PRKN: variants seen among roughly 807,000 people sequenced by gnomAD.
PRKN encodes the protein E3 ubiquitin-protein ligase parkin.
A neutral mutation model predicts 59.5 loss-of-function variants in PRKN; 56 were observed. The ratio of observed to expected loss-of-function variants is 0.94; its 90% CI spans 0.76 to 1.18. The LOEUF (loss-of-function observed/expected upper bound fraction) is 1.18, where lower values mean the gene tolerates loss of function less well. PRKN is among the 50% of genes most tolerant of loss of function. The pLI, the probability that PRKN is intolerant of heterozygous loss-of-function variation, is 0.00. For synonymous variants in PRKN, 250 were observed against 222.1 expected, an observed-to-expected ratio of 1.13 and a Z score of -1.12; for missense variants, 657 against 596.4, an observed-to-expected ratio of 1.10 and a Z score of -1.06.
At chr6:161,859,618 A>G (rs1793808381) in intron 6 of PRKN, among the ~76,000 whole-genome samples, 1 of 151,344 alleles carries the variant, frequency 6.6e-6, no homozygotes, top group Non-Finnish European at 1.5e-5. Flanking sequence ...CTCAAAAAAA[A>G]AAAAAAAAAA....
chr6:161,425,897 G>A lies in PRKN; in HGVS notation c.1084-39020C>T, dbSNP rs1788329982. On this transcript the variant is annotated intron_variant, in intron 9 of 11. Coordinates refer to ENST00000366898, the MANE Select transcript of PRKN (RefSeq NM_004562.3). ...TGGTATTTTTTTAATAGCTCATGTT[G>A]GGCCCACAGGATTCCTGAAAAGTGC... Among the ~76,000 whole-genome samples the A allele has an allele frequency of 3.3e-5, 5 of 151,950 alleles. No homozygotes were observed. The South Asian group carries it at 6.2e-4, about 19-fold the overall frequency.
intron 7 of PRKN, among the ~76,000 whole-genome samples, chr6:161,618,387 T>G (rs1782770763): frequency 6.6e-6 from 1 of 152,208 alleles, no homozygotes; most frequent in African/African-American, 2.4e-5. Context: ...CCACAGAATC[T>G]TTGAATGCAA....
intron 6 of PRKN, among the ~76,000 whole-genome samples, chr6:161,890,849 C>T (rs894578035): frequency 1.4e-4 from 21 of 152,142 alleles, no homozygotes; most frequent in African/African-American, 2.9e-4. Context: ...CCATTTCCCG[C>T]GCTCTGCCTC....
chr6:161,781,579 G>A (rs911992342), intron 7 of PRKN, among the ~76,000 whole-genome samples: 1 of 152,138 alleles, frequency 6.6e-6, no homozygotes, highest in Non-Finnish European at 1.5e-5. Context: ...TCTTTTCAAG[G>A]AGGTTGTTAG....
rs1260260453 is a variant in PRKN at position 162,206,571 on chromosome 6, A to G, written c.413-5319T>C. Among the ~76,000 whole-genome samples, 10 of 151,620 alleles carry G rather than the reference A, an allele frequency of 6.6e-5. 1 individual carries two copies. The highest frequency in any genetic ancestry group is 2.2e-4 in the African/African-American group (9 of 41,226). ...GCTGCTGCTGGTGTCATTAGCTCTC[A>G]TTTTTCAGTTACACCTGCCATATTC... On this transcript the variant is annotated intron_variant, in intron 3 of 11. Coordinates refer to ENST00000366898, the MANE Select transcript of PRKN (RefSeq NM_004562.3).
chr6:161,374,619 T>C (rs1785595065), intron 10 of PRKN, among the ~76,000 whole-genome samples: 1 of 260 alleles, frequency 3.8e-3, no homozygotes, highest in Non-Finnish European at 0.01. Context: ...TGTGTATGTG[T>C]GTGGCATGTG....
intron 4 of PRKN, among the ~76,000 whole-genome samples, chr6:162,178,811 T>C (rs1562562107): frequency 1.3e-5 from 2 of 152,188 alleles, no homozygotes; most frequent in African/African-American, 4.8e-5. Context: ...TCAGCAGCTT[T>C]CTATCTAGGT....
chr6:162,391,633 T>C (rs765495568), intron 2 of PRKN, among the ~76,000 whole-genome samples: 88 of 152,190 alleles, frequency 5.8e-4, no homozygotes, highest in Non-Finnish European at 1.2e-3. Flanking sequence ...ATAATTTTCT[T>C]ACTGCACATG....
intron 4 of PRKN, among the ~76,000 whole-genome samples, chr6:162,190,535 C>T (rs933064244): frequency 6.6e-6 from 1 of 152,156 alleles, no homozygotes; most frequent in Non-Finnish European, 1.5e-5. Context: ...CCGGGTGACC[C>T]AAGTAAAGTC....
In PRKN at chr6:162,608,072, G is replaced by A. The variant is rs149369145; in HGVS notation, c.7+119590C>T. 1.9e-3 allele frequency among the ~76,000 whole-genome samples: 282 copies of A among 152,284 alleles called. 1 individual carries two copies. Among genetic ancestry groups the A allele is most frequent in the African/African-American group, 6.5e-3 (270 of 41,562 alleles). On this transcript the variant is annotated intron_variant, in intron 1 of 11. Coordinates refer to ENST00000366898, the MANE Select transcript of PRKN (RefSeq NM_004562.3). ...AGGCCAAATAGTTGGGTTCTTCCAA[G>A]TTTTGTGTTTTTACAGAAGACAGCA... is the stretch of plus-strand genomic sequence containing the variant.
At chr6:161,389,969 T>C (rs1159836508) in intron 9 of PRKN, among the ~76,000 whole-genome samples, 1 of 152,176 alleles carries the variant, frequency 6.6e-6, no homozygotes, top group Non-Finnish European at 1.5e-5. Context: ...GCATATCAAA[T>C]GAAAGCCTCC....
chr6:161,456,577 A>C lies in PRKN; in HGVS notation c.1084-69700T>G, dbSNP rs918476086. On this transcript the variant is annotated intron_variant, in intron 9 of 11. Transcript: ENST00000366898. The surrounding 1 kb of genome is among the most constrained non-coding windows in gnomAD (Gnocchi z 4.8). ...TTAATAAATGCCCCTTCATATATTC[A>C]TCTATCCAATTAGTTCTGTCCCTCT... 2.0e-5 allele frequency among the ~76,000 whole-genome samples: 3 copies of C among 152,080 alleles called. No individual in the cohort carries two copies. The highest frequency in any genetic ancestry group is 4.4e-5 in the Non-Finnish European group (3 of 68,034).
chr6:162,417,779 AAATC>A lies in PRKN; in HGVS notation c.171+25527_171+25530del, dbSNP rs1788710296. Among the ~76,000 whole-genome samples, 2 of 152,188 alleles carry A rather than the reference AAATC, an allele frequency of 1.3e-5. 1 individual carries two copies. The highest frequency in any genetic ancestry group is 4.1e-4 in the South Asian group (2 of 4,834). ...ACGTGTTTACGGGTCTTCTGTTGAG[AAATC>A]AAGAGTTAGTGTCCACGTGGCAGGT... On this transcript the variant is annotated intron_variant, in intron 2 of 11. Coordinates refer to ENST00000366898, the MANE Select transcript of PRKN (RefSeq NM_004562.3).
chr6:161,530,531 T>A lies in PRKN; in HGVS notation c.1083+18323A>T, dbSNP rs948479528. ...TTTTTTTCTTTTTTTCTTTTTTTTT[T>A]TTGAGATGGAGTTTCACTCTTGTTG... On this transcript the variant is annotated intron_variant, in intron 9 of 11. Coordinates refer to ENST00000366898, the MANE Select transcript of PRKN (RefSeq NM_004562.3). The surrounding 1 kb of genome is among the most constrained non-coding windows in gnomAD (Gnocchi z 5.0). 5.3e-5 allele frequency among the ~76,000 whole-genome samples: 8 copies of A among 151,908 alleles called. 1 individual carries two copies. Among genetic ancestry groups the A allele is most frequent in the Admixed American group, 4.6e-4 (7 of 15,254 alleles).
chr6:162,571,578 A>G (rs1780330112), intron 1 of PRKN, among the ~76,000 whole-genome samples: 1 of 152,110 alleles, frequency 6.6e-6, no homozygotes, highest in Non-Finnish European at 1.5e-5. Context: ...TCTAGTATGG[A>G]GGACTGGGTA....
intron 7 of PRKN, among the ~76,000 whole-genome samples, chr6:161,570,806 C>T (rs1336157293): frequency 6.6e-6 from 1 of 152,130 alleles, no homozygotes; most frequent in Non-Finnish European, 1.5e-5. Context: ...GTTGGTGTTC[C>T]TAAGCCTCAC....
At chr6:162,569,718 T>C (rs1462434857) in intron 1 of PRKN, 5 of 568,690 alleles carry the variant, frequency 8.8e-6, no homozygotes, top group African/African-American at 1.9e-5. Flanking sequence ...TCTGATGTCC[T>C]TCCTAAGTGA....
Position 162,556,234 on chromosome 6 carries a change from T to A in PRKN, c.8-112761A>T, listed in dbSNP as rs191774921. Among the ~76,000 whole-genome samples, 779 of 152,216 alleles carry A rather than the reference T, an allele frequency of 5.1e-3. 1 individual carries two copies. Among genetic ancestry groups the A allele is most frequent in the African/African-American group, 7.9e-3 (327 of 41,542 alleles). On this transcript the variant is annotated intron_variant, in intron 1 of 11. Transcript: ENST00000366898. ...CAAACCTGTTGCACAAGAAGTTATT[T>A]ACCATTGTAAGCTCTCTGCGAAATG...
chr6:161,444,420 A>C lies in PRKN; in HGVS notation c.1084-57543T>G, dbSNP rs764634762. ...TGTGTATGTCTGTGTGAAGTCCTCA[A>C]GGTCATTAGATCTCATGAATTTACT... On this transcript the variant is annotated intron_variant, in intron 9 of 11. Transcript: ENST00000366898. This position sits in a 1 kb window ranked among gnomAD's most constrained non-coding sequence, Gnocchi z 5.6. Among the ~76,000 whole-genome samples, 16 of 152,328 alleles carry C rather than the reference A, an allele frequency of 1.1e-4. No individual in the cohort carries two copies. Among genetic ancestry groups the C allele is most frequent in the Middle Eastern group, 3.4e-3 (1 of 294 alleles).
Sources: gnomAD v4.1 joint callset for allele counts (sites outside exome capture counted in the v4.1 genomes callset) on GRCh38, gnomAD v4.1.1 for gene constraint, Gnocchi (gnomAD v3.1) non-coding constraint, MANE v1.5 for transcripts, NCBI Gene and HGNC (gene_info 2026-07-23, HGNC 2026-07-21) for gene names.